The following PDE1A variants were observed in gnomAD, a reference collection of about 807,000 sequenced individuals.
PDE1A encodes dual specificity calcium/calmodulin-dependent 3',5'-cyclic nucleotide phosphodiesterase 1A.
Under a neutral mutation model 61.7 loss-of-function variants are expected in PDE1A, and 35 were observed. That is an observed-to-expected ratio of 0.57 (90% CI 0.43 to 0.75). The LOEUF (loss-of-function observed/expected upper bound fraction) is 0.75, where lower values mean the gene tolerates loss of function less well. Among genes scored for constraint, PDE1A ranks in the 30% least tolerant of loss-of-function variants. The pLI is 0.00. For missense variants in PDE1A, 597 were observed against 630.6 expected, an observed-to-expected ratio of 0.95 and a Z score of 0.57; for synonymous variants, 232 against 213.2, an observed-to-expected ratio of 1.09 and a Z score of -0.77.
chr2:182,205,725 T>C (rs904647495), intron 8 of PDE1A, among the ~76,000 whole-genome samples: 3 of 152,184 alleles, frequency 2.0e-5, no homozygotes, highest in African/African-American at 7.2e-5. Flanking sequence ...CATATGGATG[T>C]TGAGTTGACC....
chr2:182,552,476 GCT>G, the PDE1A span, among the ~76,000 whole-genome samples: 81 of 120,372 alleles, frequency 6.7e-4, no homozygotes, highest in African/African-American at 2.0e-3. Flanking sequence ...ACAGAGTGTC[GCT>G]CTGTCACCCA....
intron 2 of PDE1A, among the ~76,000 whole-genome samples, chr2:182,454,242 C>G: frequency 6.6e-6 from 1 of 152,104 alleles, no homozygotes; most frequent in Admixed American, 6.6e-5. Context: ...AGGAGAACTA[C>G]AAACCACTGC....
chr2:182,155,759 C>T (rs12470801), intron 13 of PDE1A, among the ~76,000 whole-genome samples: 63,909 of 151,976 alleles, frequency 0.42, 13,955 homozygotes, highest in East Asian at 0.63. Flanking sequence ...GGTGTTGTGA[C>T]GCATGCCTGT....
intron 1 of PDE1A, among the ~76,000 whole-genome samples, chr2:182,415,790 C>A (rs1308167330): frequency 6.6e-6 from 1 of 152,010 alleles, no homozygotes; most frequent in Non-Finnish European, 1.5e-5. Flanking sequence ...TTTCTCTCTC[C>A]ATGTCTAGAA....
intron 1 of PDE1A, among the ~76,000 whole-genome samples, chr2:182,388,497 A>T (rs1173081490): frequency 6.6e-6 from 1 of 152,226 alleles, no homozygotes; most frequent in Non-Finnish European, 1.5e-5. Context: ...CAATGGTATA[A>T]AACTAGAAAT....
chr2:182,494,439 A>T (rs1574794337), intron 2 of PDE1A, among the ~76,000 whole-genome samples: 1 of 63,460 alleles, frequency 1.6e-5, no homozygotes, highest in Non-Finnish European at 3.6e-5. Flanking sequence ...CCCTTAGCCC[A>T]GATAATACAA....
At chr2:182,488,888 T>C (rs7589555) in intron 2 of PDE1A, among the ~76,000 whole-genome samples, 1 of 151,986 alleles carries the variant, frequency 6.6e-6, no homozygotes, top group Non-Finnish European at 1.5e-5. Context: ...GTTGCAGGAA[T>C]GATTCAGGCC....
intron 1 of PDE1A, among the ~76,000 whole-genome samples, chr2:182,391,797 G>A (rs1404236614): frequency 6.6e-6 from 1 of 152,186 alleles, no homozygotes; most frequent in African/African-American, 2.4e-5. Flanking sequence ...TAGAGCTCTG[G>A]CATTGGCTAA....
intron 2 of PDE1A, among the ~76,000 whole-genome samples, chr2:182,254,432 C>A (rs986511464): frequency 1.3e-5 from 2 of 152,178 alleles, no homozygotes; most frequent in African/African-American, 2.4e-5. Flanking sequence ...TTTCCTCAAA[C>A]TGATTTCCTC....
chr2:182,595,906 T>C, the PDE1A span, among the ~76,000 whole-genome samples: 1 of 152,182 alleles, frequency 6.6e-6, no homozygotes, highest in Non-Finnish European at 1.5e-5. Context: ...TCAACCCTCA[T>C]AGCACAGTAG....
chr2:182,512,734 A>C (rs1689883859), intron 2 of PDE1A, among the ~76,000 whole-genome samples: 1 of 152,202 alleles, frequency 6.6e-6, no homozygotes, highest in African/African-American at 2.4e-5. Flanking sequence ...TGAGAGACAA[A>C]ATAGCAATTT....
At chr2:182,527,328 ATATATATATATATATATATAT>A (rs1398083617), upstream of PDE1A, among the ~76,000 whole-genome samples, 34 of 9,204 alleles carry the variant, frequency 3.7e-3, 4 homozygotes, top group African/African-American at 0.012. Context: ...AAAAAAAAAA[ATATATATATATATATATATAT>A]ATATATATAT....
the PDE1A span, among the ~76,000 whole-genome samples, chr2:182,704,117 A>G: frequency 1.3e-5 from 2 of 149,600 alleles, no homozygotes; most frequent in African/African-American, 4.9e-5. Flanking sequence ...AGGCTGAGGC[A>G]GGAGAATTGC....
chr2:182,364,466 T>TAAAAAAGAAAAA (rs1699701084), intron 1 of PDE1A, among the ~76,000 whole-genome samples: 1 of 35,840 alleles, frequency 2.8e-5, no homozygotes, highest in Admixed American at 5.3e-4. Context: ...AACACTTTGG[T>TAAAAAAGAAAAA]AAAAAAAAAA....
At chr2:182,603,419 T>C in the PDE1A span, among the ~76,000 whole-genome samples, 4 of 152,224 alleles carry the variant, frequency 2.6e-5, no homozygotes, top group African/African-American at 9.6e-5. Flanking sequence ...CCGTCTCAGT[T>C]CACTGTAACC....
chr2:182,663,460 G>A, the PDE1A span, among the ~76,000 whole-genome samples: 1 of 152,026 alleles, frequency 6.6e-6, no homozygotes, highest in African/African-American at 2.4e-5. Flanking sequence ...AAGAAAATGT[G>A]GTACATATAT....
chr2:182,227,019 T>C (rs1451917542), intron 6 of PDE1A, among the ~76,000 whole-genome samples: 3 of 151,996 alleles, frequency 2.0e-5, no homozygotes, highest in African/African-American at 7.2e-5. Context: ...AAAACAAAGC[T>C]GAATCCTAGA....
At chr2:182,617,556 C>T in the PDE1A span, among the ~76,000 whole-genome samples, 2 of 152,172 alleles carry the variant, frequency 1.3e-5, no homozygotes, top group East Asian at 3.9e-4. Context: ...CTTGGGGATC[C>T]CAGAATTTGC....
chr2:182,531,320 T>C, the PDE1A span, among the ~76,000 whole-genome samples: 75 of 150,790 alleles, frequency 5.0e-4, no homozygotes, highest in Non-Finnish European at 8.6e-4. Context: ...TAAATGCTGG[T>C]CTATAAGAAA....
Sources: allele counts gnomAD v4.1 joint callset (sites outside exome capture counted in the v4.1 genomes callset), GRCh38; gene constraint gnomAD v4.1.1; transcripts MANE v1.5; gene names NCBI Gene and HGNC (gene_info 2026-07-23, HGNC 2026-07-21).